Variants in GPATCH8 observed in about 807,000 individuals in gnomAD.
GPATCH8 encodes the protein G-patch domain containing 8.
Under a neutral mutation model 118.3 loss-of-function variants are expected in GPATCH8, and 18 were observed. The observed-to-expected ratio is 0.15, with a 90% CI of 0.11 to 0.23. The LOEUF is 0.23. GPATCH8 is among the 10% of genes least tolerant of loss of function. The pLI, the probability that GPATCH8 is intolerant of heterozygous loss-of-function variation, is 1.00. For synonymous variants in GPATCH8, 659 were observed against 684.7 expected (o/e 0.96, Z 0.59); for missense variants, 1,631 against 1,873.8 (o/e 0.87, Z 2.39).
chr17:44,501,055 C>T (rs1970024262), intron 1 of GPATCH8, among the ~76,000 whole-genome samples: 1 of 152,118 alleles, frequency 6.6e-6, no homozygotes, highest in Non-Finnish European at 1.5e-5. Flanking sequence ...TAACATCTTA[C>T]AACTGTCTAA....
At chr17:44,480,333 G>C (rs1264381883) in intron 1 of GPATCH8, among the ~76,000 whole-genome samples, 2 of 152,138 alleles carry the variant, frequency 1.3e-5, no homozygotes, top group African/African-American at 2.4e-5. Context: ...TGTAATCCCA[G>C]CAATCTGGGA....
In GPATCH8 at chr17:44,496,628, C is replaced by A. The variant is rs116041955; in HGVS notation, c.45+6698G>T. On this transcript the variant is annotated intron_variant, in intron 1 of 7. Coordinates refer to ENST00000591680, the MANE Select transcript of GPATCH8 (RefSeq NM_001002909.4). ...GAATTAAAGCAAATGGCAGGATACT[C>A]CTGTTTTGCTCACTAACAACTTTTA... 2.2e-3 allele frequency among the ~76,000 whole-genome samples: 342 copies of A among 152,290 alleles called. 2 individuals carry two copies. Among genetic ancestry groups the A allele is most frequent in the African/African-American group, 7.8e-3 (326 of 41,562 alleles).
chr17:44,410,644 A>G (rs753927646), intron 6 of GPATCH8, among the ~76,000 whole-genome samples: 3 of 152,262 alleles, frequency 2.0e-5, no homozygotes, highest in Non-Finnish European at 2.9e-5. Flanking sequence ...CCTTAATTCA[A>G]GAAAAGGAGA....
At chr17:44,427,081 ATT>A (rs200192738) in intron 5 of GPATCH8, among the ~76,000 whole-genome samples, 2 of 146,260 alleles carry the variant, frequency 1.4e-5, no homozygotes, top group Non-Finnish European at 1.5e-5. Flanking sequence ...TAATATTACT[ATT>A]TTTTTTTTTT....
At chr17:44,421,946 C>T (rs1008001214) in intron 6 of GPATCH8, among the ~76,000 whole-genome samples, 1 of 150,952 alleles carries the variant, frequency 6.6e-6, no homozygotes, top group East Asian at 2.0e-4. Flanking sequence ...AGGCTGGTCT[C>T]GAATTGGCTT....
chr17:44,420,411 C>T (rs2049854682), intron 6 of GPATCH8, among the ~76,000 whole-genome samples: 1 of 152,140 alleles, frequency 6.6e-6, no homozygotes, highest in African/African-American at 2.4e-5. Flanking sequence ...TTTTCAACTG[C>T]AGCACTATTA....
chr17:44,435,798 G>C (rs1377534787), intron 4 of GPATCH8, among the ~76,000 whole-genome samples: 2 of 147,422 alleles, frequency 1.4e-5, no homozygotes, highest in Non-Finnish European at 3.0e-5. Context: ...GAGGCGGGCG[G>C]GTCACCTGAG....
intron 3 of GPATCH8, among the ~76,000 whole-genome samples, chr17:44,442,547 T>G (rs1006750327): frequency 6.6e-6 from 1 of 152,134 alleles, no homozygotes; most frequent in Admixed American, 6.5e-5. Flanking sequence ...TCACTGTAAA[T>G]TCCAGCTTCC....
At chr17:44,472,616 T>C (rs1381557191) in intron 2 of GPATCH8, among the ~76,000 whole-genome samples, 4 of 152,206 alleles carry the variant, frequency 2.6e-5, no homozygotes, top group African/African-American at 9.6e-5. Context: ...CCATGCACCT[T>C]GTAGAATGTG....
chr17:44,422,159 A>ACC (rs1464387488), intron 6 of GPATCH8, among the ~76,000 whole-genome samples: 1 of 152,176 alleles, frequency 6.6e-6, no homozygotes, highest in Non-Finnish European at 1.5e-5. Context: ...TTAATTAAAT[A>ACC]AAGATAATCT....
intron 1 of GPATCH8, among the ~76,000 whole-genome samples, chr17:44,500,967 A>C (rs1970015202): frequency 6.6e-6 from 1 of 152,238 alleles, no homozygotes; most frequent in Non-Finnish European, 1.5e-5. Context: ...TTTTCCCTTT[A>C]TTAAAACATC....
At chr17:44,497,941 A>G (rs370474195) in intron 1 of GPATCH8, among the ~76,000 whole-genome samples, 3 of 150,978 alleles carry the variant, frequency 2.0e-5, no homozygotes, top group African/African-American at 7.3e-5. Context: ...ACTGTCTCCA[A>G]AAAAAAAAGA....
chr17:44,434,481 A>C (rs1014233790), intron 5 of GPATCH8, among the ~76,000 whole-genome samples: 12 of 152,332 alleles, frequency 7.9e-5, no homozygotes, highest in African/African-American at 2.9e-4. Context: ...TGGCAGGCAG[A>C]TCACCTGAGG....
chr17:44,474,699 G>A lies in GPATCH8; in HGVS notation c.120+130C>T, dbSNP rs755345442. ...CCCAAGCTTTAATTGATTACTGTAT[G>A]GCATGCAAGAAAACAACTCTAAACT... On this transcript the variant is annotated intron_variant, in intron 2 of 7. Transcript: ENST00000591680. The A allele has an allele frequency of 8.3e-5, 59 of 707,036 alleles. No individual in the cohort carries two copies. The Admixed American group carries it at 1.1e-3, about 14-fold the overall frequency. The allele number at this position is 707,036 out of a possible 1,614,324, so 43.8% of individuals were successfully genotyped here.
intron 6 of GPATCH8, among the ~76,000 whole-genome samples, chr17:44,410,666 T>G (rs2049397034): frequency 6.6e-6 from 1 of 152,196 alleles, no homozygotes; most frequent in Admixed American, 6.5e-5. Context: ...TGAACCCCAC[T>G]GGAAATGAAA....
chr17:44,400,313 T>A lies in GPATCH8; in HGVS notation c.1764A>T (p.Gly588=). 6.2e-7 allele frequency: 1 copy of A among 1,614,188 alleles called. No individual in the cohort carries two copies. The highest frequency in any genetic ancestry group is 8.5e-7 in the Non-Finnish European group (1 of 1,180,016). Residue 588 remains glycine (G), a synonymous_variant, in exon 8 of 8, where the codon GGA becomes GGT. Coordinates refer to ENST00000591680, the MANE Select transcript of GPATCH8 (RefSeq NM_001002909.4). ...TTCCTATATCCTTTGGTTTTTCTGTTCCTTTAGTTCTGGCATCTTTGTTCC... is the reference window on the plus strand; with the variant it reads ...TTCCTATATCCTTTGGTTTTTCTGTACCTTTAGTTCTGGCATCTTTGTTCC... ...LSRNKDARTK[G]TEKPKDIGSS... is the part of the protein sequence containing the mutation.
chr17:44,419,018 T>C (rs2049795069), intron 6 of GPATCH8, among the ~76,000 whole-genome samples: 1 of 152,216 alleles, frequency 6.6e-6, no homozygotes. Context: ...TGAGAAAAAC[T>C]AGTGAATATA....
In GPATCH8 at chr17:44,503,184, G is replaced by A. The variant is rs1414562187; in HGVS notation, c.45+142C>T. 3 of 769,500 alleles carry A rather than the reference G, an allele frequency of 3.9e-6. No homozygotes were observed. The East Asian group carries it at 8.1e-5, about 21-fold the overall frequency. 47.7% of individuals were successfully genotyped at this position (769,500 alleles called of 1,614,324 possible). On this transcript the variant is annotated intron_variant, in intron 1 of 7. Transcript: ENST00000591680. ...CCTCCCTCAAGCCGGGAGGCCTCTT[G>A]AGAAAGCAGAGACGGGAGAAGAGCG...
chr17:44,476,499 C>G (rs1014138593), intron 1 of GPATCH8, among the ~76,000 whole-genome samples: 1 of 152,170 alleles, frequency 6.6e-6, no homozygotes, highest in Non-Finnish European at 1.5e-5. Context: ...GCCACCGCAC[C>G]CAGCCTGTTT....
Sources: allele counts gnomAD v4.1 joint callset (sites outside exome capture counted in the v4.1 genomes callset), GRCh38; gene constraint gnomAD v4.1.1; transcripts MANE v1.5; gene names NCBI Gene and HGNC (gene_info 2026-07-23, HGNC 2026-07-21).